BMERB1: variants seen among roughly 807,000 people sequenced by gnomAD.
The protein encoded by BMERB1 is bMERB domain containing 1, also known as bMERB domain-containing protein 1.
Under a neutral mutation model 23.6 loss-of-function variants are expected in BMERB1, and 12 were observed. That is an observed-to-expected ratio of 0.51 (90% confidence interval 0.33 to 0.82). BMERB1 has a LOEUF of 0.82. Among genes scored for constraint, BMERB1 ranks in the 40% least tolerant of loss-of-function variants. BMERB1 has a pLI of 0.03. For missense variants in BMERB1, 247 were observed against 255.4 expected (o/e 0.97, Z 0.22); for synonymous variants, 122 against 96.6 (o/e 1.26, Z -1.54).
chr16:15,556,238 G>A (rs952614290), intron 2 of BMERB1, among the ~76,000 whole-genome samples: 2 of 152,030 alleles, frequency 1.3e-5, no homozygotes, highest in African/African-American at 2.4e-5. Context: ...AATGTTGGCT[G>A]AGATAGTCCA....
intron 5 of BMERB1, among the ~76,000 whole-genome samples, chr16:15,584,437 AT>A (rs1055750475): frequency 1.3e-5 from 2 of 151,890 alleles, no homozygotes; most frequent in Non-Finnish European, 2.9e-5. Flanking sequence ...GGGCGCCTGT[AT>A]TCCCAGCTAC....
chr16:15,444,119 C>CTTTTTTTTTTTTTTT (rs1225982061), intron 1 of BMERB1, among the ~76,000 whole-genome samples: 5 of 24,458 alleles, frequency 2.0e-4, no homozygotes, highest in Admixed American at 4.1e-4. Flanking sequence ...CAGGCACCAG[C>CTTTTTTTTTTTTTTT]TTTGTTTTTT....
In BMERB1 at chr16:15,568,017, G is replaced by A; in HGVS notation, c.265G>A (p.Asp89Asn). 3 of 1,614,022 alleles carry A rather than the reference G, an allele frequency of 1.9e-6. No homozygotes were observed. Among genetic ancestry groups the A allele is most frequent in the African/African-American group, 1.3e-5 (1 of 75,042 alleles). ...DDIQLCKDIM[D>N]LKQELQNLVA... ...CATCCAGCTCTGCAAGGACATCATGGACTTGAAGCAGGAGCTGCAGAACTT... is the reference window on the plus strand; with the variant it reads ...CATCCAGCTCTGCAAGGACATCATGAACTTGAAGCAGGAGCTGCAGAACTT... Residue 89 changes from aspartate to asparagine, a missense_variant, in exon 3 of 6, where the codon GAC (aspartate) becomes AAC (asparagine). Physicochemically the swap from Asp to Asn is conservative, Grantham distance 23 (BLOSUM62 1). Transcript: ENST00000300006.
intron 2 of BMERB1, among the ~76,000 whole-genome samples, chr16:15,530,129 T>A (rs2051952616): frequency 6.6e-6 from 1 of 152,228 alleles, no homozygotes; most frequent in African/African-American, 2.4e-5. Context: ...TCGATTGAGG[T>A]CATCCTGTCG....
At chr16:15,514,534 G>C (rs2051721261) in intron 1 of BMERB1, among the ~76,000 whole-genome samples, 1 of 152,078 alleles carries the variant, frequency 6.6e-6, no homozygotes, top group African/African-American at 2.4e-5. Context: ...CCTCACGACT[G>C]TAATCCCAGC....
chr16:15,456,230 T>TA lies in BMERB1; in HGVS notation c.106+21471_106+21472insA, dbSNP rs1319178991. ...TGTTGGACATATGTTAACACATGGA[T>TA]TTTAAAAAATGAATTGGATGATATG... On this transcript the variant is annotated intron_variant, in intron 1 of 5. Coordinates refer to ENST00000300006, the MANE Select transcript of BMERB1 (RefSeq NM_033201.3). Among the ~76,000 whole-genome samples, 538 of 152,306 alleles carry TA rather than the reference T, an allele frequency of 3.5e-3. 4 individuals are homozygous for TA. Among genetic ancestry groups the TA allele is most frequent in the African/African-American group, 0.012 (509 of 41,574 alleles).
intron 2 of BMERB1, among the ~76,000 whole-genome samples, chr16:15,526,065 G>A (rs949043932): frequency 2.0e-5 from 3 of 151,924 alleles, no homozygotes; most frequent in South Asian, 4.2e-4. Context: ...TCAGTCTCTC[G>A]GTAGCCTGAG....
chr16:15,447,064 G>A (rs2050996221), intron 1 of BMERB1, among the ~76,000 whole-genome samples: 1 of 152,102 alleles, frequency 6.6e-6, no homozygotes, highest in African/African-American at 2.4e-5. Context: ...GTGATCTTGG[G>A]CTAGTTACTT....
At chr16:15,494,154 A>G (rs748440307) in intron 1 of BMERB1, among the ~76,000 whole-genome samples, 6 of 152,222 alleles carry the variant, frequency 3.9e-5, no homozygotes, top group African/African-American at 7.2e-5. Flanking sequence ...CTTGAGTAAC[A>G]GAATGAACCT....
At chr16:15,509,555 G>A (rs1420379241) in intron 1 of BMERB1, among the ~76,000 whole-genome samples, 4 of 152,182 alleles carry the variant, frequency 2.6e-5, no homozygotes, top group Admixed American at 6.5e-5. Flanking sequence ...GGACTCATTC[G>A]AGGTCTTGCG....
At chr16:15,473,576 A>G (rs2051249668) in intron 1 of BMERB1, among the ~76,000 whole-genome samples, 1 of 151,752 alleles carries the variant, frequency 6.6e-6, no homozygotes, top group East Asian at 2.0e-4. Context: ...TACAGGTGTG[A>G]GCCACCGTGC....
chr16:15,507,898 C>T (rs1382571373), intron 1 of BMERB1, among the ~76,000 whole-genome samples: 1 of 152,180 alleles, frequency 6.6e-6, no homozygotes, highest in Non-Finnish European at 1.5e-5. Context: ...GTTTCTTAAA[C>T]AACCTCCCTA....
At chr16:15,586,695 C>G in intron 5 of BMERB1, 22 bp from the exon 6 acceptor site, 1 of 1,574,644 alleles carries the variant, frequency 6.4e-7, no homozygotes, top group Non-Finnish European at 8.7e-7. Flanking sequence ...CCCCCTCTCC[C>G]TGTGCCCACA....
At chr16:15,532,847 A>G in intron 2 of BMERB1, 1 of 374,948 alleles carries the variant, frequency 2.7e-6, no homozygotes, top group South Asian at 2.0e-5. Context: ...GCCTGGCCAG[A>G]TCCCTGTTTT....
chr16:15,555,531 TGAA>T (rs1353180164), intron 2 of BMERB1, among the ~76,000 whole-genome samples: 3 of 152,144 alleles, frequency 2.0e-5, no homozygotes, highest in African/African-American at 2.4e-5. Flanking sequence ...ACAAGGGTCT[TGAA>T]GAAGGTGACA....
At chr16:15,455,681 C>G (rs1466433000) in intron 1 of BMERB1, among the ~76,000 whole-genome samples, 12 of 152,064 alleles carry the variant, frequency 7.9e-5, no homozygotes, top group Admixed American at 7.9e-4. Context: ...AGGCTGGTCT[C>G]AAACTCCCAA....
chr16:15,556,569 CTTAT>C (rs1334141450), intron 2 of BMERB1, among the ~76,000 whole-genome samples: 1 of 152,026 alleles, frequency 6.6e-6, no homozygotes, highest in Non-Finnish European at 1.5e-5. Flanking sequence ...AACCCCTCAT[CTTAT>C]TTATTTATTT....
intron 1 of BMERB1, among the ~76,000 whole-genome samples, chr16:15,502,830 G>T (rs1205029504): frequency 6.6e-6 from 1 of 152,136 alleles, no homozygotes; most frequent in Non-Finnish European, 1.5e-5. Context: ...GCGGGGCTGT[G>T]GTCTCACCTA....
chr16:15,540,364 A>T (rs187787874), intron 2 of BMERB1, among the ~76,000 whole-genome samples: 15 of 152,194 alleles, frequency 9.9e-5, no homozygotes, highest in Non-Finnish European at 7.4e-5. Context: ...CGTCTCTACT[A>T]AAAATACAAA....
Sources: allele counts gnomAD v4.1 joint callset (sites outside exome capture counted in the v4.1 genomes callset), GRCh38; gene constraint gnomAD v4.1.1; transcripts MANE v1.5; gene names NCBI Gene and HGNC (gene_info 2026-07-23, HGNC 2026-07-21).